RCC1: variants seen among roughly 807,000 people sequenced by gnomAD.
RCC1 encodes regulator of chromosome condensation.
RCC1 carries 11 observed loss-of-function variants against 44.4 expected under a neutral mutation model. That is an observed-to-expected ratio of 0.25 (90% CI 0.16 to 0.41). RCC1 has a LOEUF of 0.41. RCC1 is among the 10% of genes least tolerant of loss of function. The pLI is 1.00. For missense variants in RCC1, 386 were observed against 547.1 expected (o/e 0.71, Z 2.94); for synonymous variants, 213 against 216.5 (o/e 0.98, Z 0.14).
intron 3 of RCC1, among the ~76,000 whole-genome samples, chr1:28,511,198 T>TA (rs1662512869): frequency 6.6e-6 from 1 of 152,134 alleles, no homozygotes; most frequent in African/African-American, 2.4e-5. Flanking sequence ...TTGGGTGAGT[T>TA]ACTCAGCCCC....
In RCC1 at chr1:28,516,786, C is replaced by G. The variant is rs1327218818; in HGVS notation, c.-91C>G. 2.2e-6 allele frequency: 1 copy of G among 455,258 alleles called. No homozygotes were observed. The highest frequency in any genetic ancestry group is 4.4e-6 in the Non-Finnish European group (1 of 226,532). 28.2% of individuals were successfully genotyped at this position (455,258 alleles called of 1,614,324 possible). ...GAGAGAGAGAGAGAGATCAGAGATC[C>G]CAGGGTTAAAAGTTGGAGAAATTTC... On this transcript the variant is annotated 5_prime_UTR_variant, in exon 4 of 13. Coordinates refer to ENST00000683442, the MANE Select transcript of RCC1 (RefSeq NM_001381865.2).
Position 28,537,812 on chromosome 1 carries a change from C to T in RCC1, c.1091-20C>T. 6.2e-7 allele frequency: 1 copy of T among 1,605,000 alleles called. No individual in the cohort carries two copies. Among genetic ancestry groups the T allele is most frequent in the Non-Finnish European group, 8.5e-7 (1 of 1,176,414 alleles). On this transcript the variant is annotated intron_variant, in intron 12 of 12. Transcript: ENST00000683442. ...GCTGGGGATCCTGGAGACAGCTGTA[C>T]CCATTTCTCTCTCTTGCAGGTCGTG...
chr1:28,513,983 A>C lies in RCC1; in HGVS notation c.-152-2742A>C, dbSNP rs184963254. On this transcript the variant is annotated intron_variant, in intron 3 of 12. Transcript: ENST00000683442. The stretch of plus-strand genomic sequence containing the variant: ...CTTCCCCAGCCTGGCCAATATGGTG[A>C]AACCCCGCCTCTACTAAAAATACAA... 2.4e-3 allele frequency among the ~76,000 whole-genome samples: 368 copies of C among 152,126 alleles called. 2 individuals carry two copies. The highest frequency in any genetic ancestry group is 7.8e-3 in the African/African-American group (324 of 41,500).
At chr1:28,525,228 A>G (rs1663569033) in intron 4 of RCC1, among the ~76,000 whole-genome samples, 1 of 152,126 alleles carries the variant, frequency 6.6e-6, no homozygotes, top group Non-Finnish European at 1.5e-5. Flanking sequence ...TCTATAGATA[A>G]CATAACCGGT....
intron 4 of RCC1, 70 bp downstream of exon 4, chr1:28,516,937 A>G (rs1236242459): frequency 8.9e-6 from 4 of 447,534 alleles, no homozygotes; most frequent in East Asian, 1.4e-4. Context: ...CCTGGCCAAC[A>G]TGGCGAAACC....
intron 4 of RCC1, among the ~76,000 whole-genome samples, chr1:28,523,178 C>T (rs949496633): frequency 4.0e-5 from 6 of 151,758 alleles, no homozygotes; most frequent in Non-Finnish European, 8.8e-5. Flanking sequence ...ACTACAAGCG[C>T]CCGCCACCAC....
At chr1:28,526,410 C>T (rs1317639232) in intron 4 of RCC1, 3 of 445,498 alleles carry the variant, frequency 6.7e-6, no homozygotes, top group African/African-American at 4.1e-5. Flanking sequence ...TCGAGAAATT[C>T]GCTTAGTTAA....
At chr1:28,521,687 G>A (rs763461485) in intron 4 of RCC1, among the ~76,000 whole-genome samples, 26 of 152,062 alleles carry the variant, frequency 1.7e-4, no homozygotes, top group Non-Finnish European at 2.8e-4. Flanking sequence ...CACATCTGTG[G>A]GTGGATCTGT....
intron 2 of RCC1, 81 bp downstream of exon 2, chr1:28,508,241 T>G (rs1188663917): frequency 2.5e-6 from 1 of 393,314 alleles, no homozygotes. Context: ...TGAAGAGACT[T>G]TTATTCTAGT....
At chr1:28,531,259 C>CTTTTTTTTTTTTT (rs769808394) in intron 5 of RCC1, among the ~76,000 whole-genome samples, 76 of 132,434 alleles carry the variant, frequency 5.7e-4, no homozygotes, top group African/African-American at 7.5e-4. Context: ...GCTTTCTTTT[C>CTTTTTTTTTTTTT]TTTTTCTTTT....
intron 3 of RCC1, among the ~76,000 whole-genome samples, chr1:28,512,344 C>T (rs959916287): frequency 5.9e-4 from 90 of 152,186 alleles, no homozygotes; most frequent in Non-Finnish European, 2.5e-4. Context: ...TCTTCCTGGT[C>T]ATTAGTATTC....
intron 9 of RCC1, 63 bp from the exon 10 acceptor site, chr1:28,535,808 C>A: frequency 6.5e-7 from 1 of 1,549,652 alleles, no homozygotes; most frequent in Non-Finnish European, 8.8e-7. Context: ...GAATTAAACT[C>A]GGGGCAGAGA....
chr1:28,536,448 C>T lies in RCC1; in HGVS notation c.937+67C>T, dbSNP rs370822337. 1.3e-5 allele frequency: 20 copies of T among 1,563,140 alleles called. No individual in the cohort carries two copies. In the East Asian group the frequency reaches 1.6e-4, roughly 12 times the overall value. ...TCCCTGGCCTAGGCCTAGCCAGATT[C>T]CTGAGACCATGGTCCTTGGAGCCTG... On this transcript the variant is annotated intron_variant, in intron 11 of 12. Coordinates refer to ENST00000683442, the MANE Select transcript of RCC1 (RefSeq NM_001381865.2). This position sits in a 1 kb window ranked among gnomAD's most constrained non-coding sequence, Gnocchi z 4.9.
Position 28,507,245 on chromosome 1 carries a change from T to C in RCC1, c.-261-883T>C, listed in dbSNP as rs1008327740. 1.0e-4 allele frequency: 44 copies of C among 438,136 alleles called. 1 individual carries two copies. Among genetic ancestry groups the C allele is most frequent in the South Asian group, 6.5e-4 (38 of 58,312 alleles). 27.1% of individuals were successfully genotyped at this position (438,136 alleles called of 1,614,324 possible). On this transcript the variant is annotated intron_variant, in intron 1 of 12. Coordinates refer to ENST00000683442, the MANE Select transcript of RCC1 (RefSeq NM_001381865.2). The stretch of plus-strand genomic sequence containing the variant: ...ACCAGTCTAGAAACCGATTTTTTTT[T>C]AACACCCCACTGTGGACAGGGTGGA...
At position 28,536,496 on chromosome 1, in the gene RCC1, A is replaced by G; in HGVS notation, c.937+115A>G. 2 of 1,354,878 alleles carry G rather than the reference A, an allele frequency of 1.5e-6. No individual in the cohort carries two copies. The highest frequency in any genetic ancestry group is 2.8e-5 in the South Asian group (2 of 72,692). 83.9% of individuals were successfully genotyped at this position (1,354,878 alleles called of 1,614,324 possible). A position where few individuals can be genotyped will look rare whatever the true frequency, so the allele number is the denominator to read the frequency against. Reference sequence around the variant, plus strand: ...CTGGGTCTGTTCCATGGGTTGTACCATACATGGGTCCATGAGAGTCACTCT... The same window carrying G: ...CTGGGTCTGTTCCATGGGTTGTACCGTACATGGGTCCATGAGAGTCACTCT... On this transcript the variant is annotated intron_variant, in intron 11 of 12. Coordinates refer to ENST00000683442, the MANE Select transcript of RCC1 (RefSeq NM_001381865.2). The surrounding 1 kb of genome is among the most constrained non-coding windows in gnomAD (Gnocchi z 4.9).
intron 4 of RCC1, among the ~76,000 whole-genome samples, chr1:28,521,361 T>C (rs1010881065): frequency 8.0e-5 from 12 of 149,862 alleles, no homozygotes; most frequent in African/African-American, 2.0e-4. Context: ...ATTAGCTGGG[T>C]GTGGTGGCAG....
intron 5 of RCC1, chr1:28,530,596 T>C: frequency 4.4e-6 from 7 of 1,604,994 alleles, no homozygotes; most frequent in Non-Finnish European, 5.1e-6. Context: ...CGAGCCCTCC[T>C]GACCAGAAAA....
intron 4 of RCC1, among the ~76,000 whole-genome samples, chr1:28,522,993 G>A (rs1346133416): frequency 6.6e-6 from 1 of 151,084 alleles, no homozygotes; most frequent in Non-Finnish European, 1.5e-5. Context: ...GAGACTACTA[G>A]GGAGCATGGG....
At chr1:28,511,955 C>T (rs938785350) in intron 3 of RCC1, among the ~76,000 whole-genome samples, 7 of 149,768 alleles carry the variant, frequency 4.7e-5, no homozygotes, top group South Asian at 2.1e-4. Flanking sequence ...TAAGCCACTG[C>T]GCCTAGCCTC....
Sources: allele counts gnomAD v4.1 joint callset (sites outside exome capture counted in the v4.1 genomes callset), GRCh38; gene constraint gnomAD v4.1.1; non-coding constraint Gnocchi (gnomAD v3.1); transcripts MANE v1.5; gene names NCBI Gene and HGNC (gene_info 2026-07-23, HGNC 2026-07-21).